The following TFB1M variants were observed in gnomAD, a reference collection of about 807,000 sequenced individuals.
TFB1M encodes dimethyladenosine transferase 1, mitochondrial.
Under a neutral mutation model 31.1 loss-of-function variants are expected in TFB1M, and 27 were observed. The observed-to-expected ratio is 0.87, with a 90% CI of 0.64 to 1.20. The LOEUF (loss-of-function observed/expected upper bound fraction) is 1.20. TFB1M is among the 50% of genes most tolerant of loss of function. The pLI is 0.00. For synonymous variants in TFB1M, 166 were observed against 151.8 expected, an observed-to-expected ratio of 1.09 and a Z score of -0.69; for missense variants, 394 against 418.7, an observed-to-expected ratio of 0.94 and a Z score of 0.51.
the TFB1M span, among the ~76,000 whole-genome samples, chr6:155,239,210 T>A: frequency 4.4e-3 from 675 of 152,318 alleles, 8 homozygotes; most frequent in African/African-American, 0.015. Flanking sequence ...CATGAAGGCA[T>A]TTAAGCTGAA....
At chr6:155,250,502 C>T in the TFB1M span, 5 of 1,518,672 alleles carry the variant, frequency 3.3e-6, no homozygotes, top group Admixed American at 3.9e-5. Flanking sequence ...CAGTCCTTCA[C>T]TCTGGCCAGT....
chr6:155,307,325 A>G (rs1777825503), intron 2 of TFB1M, among the ~76,000 whole-genome samples: 2 of 152,184 alleles, frequency 1.3e-5, no homozygotes, highest in Non-Finnish European at 2.9e-5. Context: ...AATTTACAAA[A>G]GAGGTTTAGA....
chr6:155,234,221 TA>T, the TFB1M span, among the ~76,000 whole-genome samples: 1 of 152,214 alleles, frequency 6.6e-6, no homozygotes, highest in Non-Finnish European at 1.5e-5. Context: ...CCGTGTTTTT[TA>T]TTCTGCATAT....
At chr6:155,242,823 C>A in the TFB1M span, among the ~76,000 whole-genome samples, 1 of 152,292 alleles carries the variant, frequency 6.6e-6, no homozygotes, top group African/African-American at 2.4e-5. Flanking sequence ...GCAACCTCCA[C>A]CTCCTGAGTT....
At chr6:155,232,849 C>T in the TFB1M span, 2 of 152,252 alleles carry the variant, frequency 1.3e-5, no homozygotes, top group Non-Finnish European at 2.9e-5. Context: ...CCCCAACATA[C>T]TTTTCCTCTA....
intron 5 of TFB1M, among the ~76,000 whole-genome samples, chr6:155,284,459 G>C (rs1179820777): frequency 6.6e-6 from 1 of 152,138 alleles, no homozygotes; most frequent in Non-Finnish European, 1.5e-5. Context: ...TCATATCCCT[G>C]TAGACTCCCC....
chr6:155,286,149 A>G (rs1199259536), intron 4 of TFB1M, among the ~76,000 whole-genome samples: 1 of 152,182 alleles, frequency 6.6e-6, no homozygotes, highest in East Asian at 1.9e-4. Context: ...ACAGAAAAGG[A>G]AGGATCATTC....
intron 4 of TFB1M, among the ~76,000 whole-genome samples, chr6:155,287,701 TATC>T (rs1357799707): frequency 6.6e-6 from 1 of 152,058 alleles, no homozygotes; most frequent in Non-Finnish European, 1.5e-5. Context: ...GCTCCAAACA[TATC>T]AACAATATTT....
At chr6:155,253,228 T>TA, downstream of TFB1M, 1 of 540,190 alleles carries the variant, frequency 1.9e-6, no homozygotes. Flanking sequence ...TGGGAGAAAC[T>TA]AAATGCTGGT....
downstream of TFB1M, chr6:155,254,534 G>C (rs761343860): frequency 1.2e-6 from 2 of 1,613,840 alleles, no homozygotes; most frequent in East Asian, 4.5e-5. Flanking sequence ...GGATCGCCTG[G>C]TACCTCTTAA....
intron 2 of TFB1M, among the ~76,000 whole-genome samples, chr6:155,304,929 C>A (rs1777600930): frequency 6.6e-6 from 1 of 150,574 alleles, no homozygotes; most frequent in African/African-American, 2.4e-5. Flanking sequence ...ATAAAACCAA[C>A]TGATTTTTGA....
chr6:155,240,651 C>T, the TFB1M span: 1 of 1,613,954 alleles, frequency 6.2e-7, no homozygotes, highest in East Asian at 2.2e-5. Flanking sequence ...CTGTCTGATG[C>T]AGACCGCCTC....
intron 5 of TFB1M, among the ~76,000 whole-genome samples, chr6:155,278,443 T>C (rs1054945817): frequency 6.6e-6 from 1 of 152,234 alleles, no homozygotes; most frequent in African/African-American, 2.4e-5. Context: ...GTTTACATGA[T>C]TGCATCTCCA....
At chr6:155,240,842 C>T in the TFB1M span, 1 of 888,204 alleles carries the variant, frequency 1.1e-6, no homozygotes, top group East Asian at 2.6e-5. Flanking sequence ...CTCCTTGAAT[C>T]AGTGAATTGC....
chr6:155,274,696 T>A (rs1162490986), intron 5 of TFB1M, among the ~76,000 whole-genome samples: 1 of 152,232 alleles, frequency 6.6e-6, no homozygotes, highest in East Asian at 1.9e-4. Context: ...AGGTATTAAC[T>A]AGAACTTAGG....
intron 5 of TFB1M, chr6:155,275,502 T>C: frequency 1.9e-6 from 1 of 513,854 alleles, no homozygotes. Flanking sequence ...CCTCATCTGC[T>C]TGGGGGCTGG....
chr6:155,297,233 A>AT (rs1028637802), intron 3 of TFB1M, 129 bp from the exon 4 acceptor site: 2,586 of 943,268 alleles, frequency 2.7e-3, no homozygotes, highest in Non-Finnish European at 3.1e-3. Flanking sequence ...ACATGGCTAA[A>AT]TTTTTTTTTT....
chr6:155,248,020 A>G, the TFB1M span: 1 of 1,614,158 alleles, frequency 6.2e-7, no homozygotes, highest in South Asian at 1.1e-5. Flanking sequence ...CAAAGCCTTC[A>G]AGGCTTTTCT....
intron 2 of TFB1M, among the ~76,000 whole-genome samples, chr6:155,299,942 A>G (rs1370458098): frequency 1.3e-5 from 2 of 152,202 alleles, no homozygotes; most frequent in Non-Finnish European, 2.9e-5. Context: ...CTGCAAGGAC[A>G]TATGCTCCTT....
Sources: allele counts gnomAD v4.1 joint callset (sites outside exome capture counted in the v4.1 genomes callset), GRCh38; gene constraint gnomAD v4.1.1; transcripts MANE v1.5; gene names NCBI Gene and HGNC (gene_info 2026-07-23, HGNC 2026-07-21).